The following DMD variants were observed in gnomAD, a reference collection of about 807,000 sequenced individuals.
DMD encodes dystrophin.
A neutral mutation model predicts 330.1 loss-of-function variants in DMD; 63 were observed. That is an observed-to-expected ratio of 0.19 (90% CI 0.16 to 0.24). The LOEUF is 0.24. Among genes scored for constraint, DMD ranks in the 10% least tolerant of loss-of-function variants. DMD has a pLI of 1.00. For missense variants in DMD, 3,344 were observed against 2,684.1 expected (o/e 1.25, Z -5.43); for synonymous variants, 1,223 against 959.8 (o/e 1.27, Z -5.07).
intron 12 of DMD, among the ~76,000 whole-genome samples, chrX:32,610,992 A>C (rs1318779681): frequency 1.8e-5 from 2 of 111,365 alleles, no homozygotes; most frequent in Admixed American, 1.9e-4. Flanking sequence ...GTGTGGCAAG[A>C]CTAACAAAAC....
At position 31,888,521 on chromosome X, in the gene DMD, C is replaced by T. The variant is rs759658191; in HGVS notation, c.6913-13148G>A. On this transcript the variant is annotated intron_variant, in intron 47 of 78. Coordinates refer to ENST00000357033, the MANE Select transcript of DMD (RefSeq NM_004006.3). ...TTAAATAATTCATGTAAACCATTATCTTCTTTTGGATAAAATGCACGTAGT... is the reference window on the plus strand; with the variant it reads ...TTAAATAATTCATGTAAACCATTATTTTCTTTTGGATAAAATGCACGTAGT... Among the ~76,000 whole-genome samples the T allele has an allele frequency of 4.5e-5, 5 of 112,037 alleles. No individual in the cohort carries two copies. The East Asian group carries it at 1.4e-3, about 32-fold the overall frequency.
intron 9 of DMD, among the ~76,000 whole-genome samples, chrX:32,673,659 T>C (rs1204026097): frequency 2.7e-5 from 3 of 111,931 alleles, no homozygotes; most frequent in Non-Finnish European, 3.8e-5. Context: ...AAAGCACTTT[T>C]GTGACAAAGT....
chrX:31,381,931 A>G (rs1436288746), intron 60 of DMD, among the ~76,000 whole-genome samples: 1 of 111,734 alleles, frequency 8.9e-6, no homozygotes, highest in Non-Finnish European at 1.9e-5. Context: ...AGGACTGGCA[A>G]ATTGGCTTTA....
chrX:32,504,521 G>A (rs2044415425), intron 18 of DMD, among the ~76,000 whole-genome samples: 1 of 110,512 alleles, frequency 9.0e-6, no homozygotes, highest in African/African-American at 3.3e-5. Context: ...CAGCTACTCT[G>A]GAGGCTGAGG....
intron 4 of DMD, among the ~76,000 whole-genome samples, chrX:32,842,413 C>A (rs994554047): frequency 8.9e-6 from 1 of 111,900 alleles, no homozygotes; most frequent in Non-Finnish European, 1.9e-5. Context: ...AACAAACAAA[C>A]AAAAAAACCC....
intron 56 of DMD, among the ~76,000 whole-genome samples, chrX:31,505,703 G>A (rs907680432): frequency 1.8e-5 from 2 of 110,170 alleles, no homozygotes; most frequent in East Asian, 2.9e-4. Context: ...GTGCGATCTC[G>A]GCTCACTGCA....
Position 32,343,390 on chromosome X carries a change from A to G in DMD, c.5587-104T>C, listed in dbSNP as rs1440068651. On this transcript the variant is annotated intron_variant, in intron 39 of 78. Transcript: ENST00000357033. Reference sequence around the variant, plus strand: ...ATTTGCGTCCCTCATCTTTTTGTACAACTTAGGTTAAAATCATATTTAAAT... The same window carrying G: ...ATTTGCGTCCCTCATCTTTTTGTACGACTTAGGTTAAAATCATATTTAAAT... 7 of 758,867 alleles carry G rather than the reference A, an allele frequency of 9.2e-6. No homozygotes were observed. The Admixed American group carries it at 2.1e-4, about 23-fold the overall frequency. The allele number at this position is 758,867 out of a possible 1,213,427, so 62.5% of individuals were successfully genotyped here.
intron 60 of DMD, among the ~76,000 whole-genome samples, chrX:31,422,018 A>AC (rs1569540517): frequency 4.7e-4 from 17 of 35,981 alleles, no homozygotes; most frequent in African/African-American, 2.1e-3. Flanking sequence ...TATATATATA[A>AC]ACACACACAC....
chrX:33,200,180 GCTT>G (rs2051183325), intron 1 of DMD, among the ~76,000 whole-genome samples: 1 of 111,356 alleles, frequency 9.0e-6, no homozygotes, highest in South Asian at 3.7e-4. Flanking sequence ...ATTATTAATA[GCTT>G]CTTAATTAAG....
chrX:31,436,554 A>G (rs1229857645), intron 60 of DMD, among the ~76,000 whole-genome samples: 1 of 111,524 alleles, frequency 9.0e-6, no homozygotes, highest in Admixed American at 9.6e-5. Context: ...TATTTGGGCC[A>G]TATTAGTTTC....
At chrX:32,912,412 G>A (rs538078504) in intron 2 of DMD, among the ~76,000 whole-genome samples, 3 of 110,789 alleles carry the variant, frequency 2.7e-5, no homozygotes, top group African/African-American at 9.8e-5. Context: ...AGGAGCCAAA[G>A]AGTATACCAG....
rs747007136 is a variant in DMD, at chrX:32,839,692, T to G, written c.264+5091A>C. ...ACTTATGGATGTTTTCCATTTTTGT[T>G]TATACTTATGACAAAATGGAGAATT... On this transcript the variant is annotated intron_variant, in intron 4 of 78. Coordinates refer to ENST00000357033, the MANE Select transcript of DMD (RefSeq NM_004006.3). Among the ~76,000 whole-genome samples the G allele has an allele frequency of 1.7e-3, 181 of 109,562 alleles. 1 individual carries two copies. The highest frequency in any genetic ancestry group is 5.0e-3 in the African/African-American group (150 of 29,930).
At chrX:32,504,402 T>A (rs1945961103) in intron 18 of DMD, among the ~76,000 whole-genome samples, 1 of 110,996 alleles carries the variant, frequency 9.0e-6, no homozygotes, top group African/African-American at 3.3e-5. Context: ...CGCGGGTGGA[T>A]CACCTGAGGT....
chrX:31,471,400 G>T lies in DMD; in HGVS notation c.8937+6706C>A, dbSNP rs189461890. Reference sequence around the variant, plus strand: ...CCCTCACGGCTTCTGTTGGCTAGGGGAGGGAATTCCCTGACCCCTTGTGCT... The same window carrying T: ...CCCTCACGGCTTCTGTTGGCTAGGGTAGGGAATTCCCTGACCCCTTGTGCT... On this transcript the variant is annotated intron_variant, in intron 59 of 78. Coordinates refer to ENST00000357033, the MANE Select transcript of DMD (RefSeq NM_004006.3). Among the ~76,000 whole-genome samples, 153 of 111,800 alleles carry T rather than the reference G, an allele frequency of 1.4e-3. No individual in the cohort carries two copies. In the East Asian group the frequency reaches 0.023, roughly 17 times the overall value.
At chrX:31,374,587 C>T (rs1277173447) in intron 60 of DMD, among the ~76,000 whole-genome samples, 5 of 100,511 alleles carry the variant, frequency 5.0e-5, no homozygotes, top group African/African-American at 7.3e-5. Flanking sequence ...AGACCAAACA[C>T]CGCATGTTCT....
chrX:31,521,974 A>T (rs1353499443), intron 55 of DMD, among the ~76,000 whole-genome samples: 1 of 111,320 alleles, frequency 9.0e-6, no homozygotes, highest in Non-Finnish European at 1.9e-5. Context: ...TAAGTTCTCT[A>T]TTTTAAAGAG....
chrX:31,185,022 A>C (rs1328505892), intron 67 of DMD, among the ~76,000 whole-genome samples: 4 of 101,810 alleles, frequency 3.9e-5, no homozygotes, highest in Non-Finnish European at 4.0e-5. Flanking sequence ...CTAGATGACG[A>C]GTTAGTGGGT....
In DMD at chrX:31,177,792, C is replaced by A. The variant is rs193242424; in HGVS notation, c.10262+140G>T. 1.7e-3 allele frequency: 919 copies of A among 549,035 alleles called. 9 individuals are homozygous for A. The Admixed American group carries it at 0.021, about 13-fold the overall frequency. 45.2% of individuals were successfully genotyped at this position (549,035 alleles called of 1,213,427 possible). ...CTCATCAAGAAAAGAAAAAAAAAAA[C>A]TGAAATGAAGGAAGGGGAATTAATA... is the stretch of plus-strand genomic sequence containing the variant. On this transcript the variant is annotated intron_variant, in intron 71 of 78. Transcript: ENST00000357033.
chrX:31,882,752 C>T (rs4829235), intron 47 of DMD, among the ~76,000 whole-genome samples: 17,466 of 111,339 alleles, frequency 0.16, 1,281 homozygotes, highest in South Asian at 0.28. Context: ...CACTAATCGT[C>T]AGGTGATTGC....
Sources: allele counts gnomAD v4.1 joint callset (sites outside exome capture counted in the v4.1 genomes callset), GRCh38; gene constraint gnomAD v4.1.1; transcripts MANE v1.5; gene names NCBI Gene and HGNC (gene_info 2026-07-23, HGNC 2026-07-21).